SLCO1A2: variants seen among roughly 807,000 people sequenced by gnomAD.
SLCO1A2 encodes the protein solute carrier organic anion transporter family member 1A2, also known as OATP-1.
Under a neutral mutation model 69.0 loss-of-function variants are expected in SLCO1A2, and 67 were observed. The observed-to-expected ratio is 0.97, with a 90% CI of 0.80 to 1.19. The LOEUF is 1.19. Among genes scored for constraint, SLCO1A2 ranks in the 50% most tolerant of loss-of-function variants. The pLI, the probability that SLCO1A2 is intolerant of heterozygous loss-of-function variation, is 0.00. For missense variants in SLCO1A2, 787 were observed against 793.7 expected, an observed-to-expected ratio of 0.99 and a Z score of 0.10; for synonymous variants, 260 against 265.9, an observed-to-expected ratio of 0.98 and a Z score of 0.22.
Position 21,300,766 on chromosome 12 carries a change from A to G in SLCO1A2, c.689-197T>C, listed in dbSNP as rs539319558. On this transcript the variant is annotated intron_variant, in intron 7 of 14. Coordinates refer to ENST00000683939, the MANE Select transcript of SLCO1A2 (RefSeq NM_001386879.1). ...AATAAATTAGGCTGGTTATCTGTCTATCATGTAAGGGATTTAAAAGCAGGT... is the reference window on the plus strand; with the variant it reads ...AATAAATTAGGCTGGTTATCTGTCTGTCATGTAAGGGATTTAAAAGCAGGT... 6.6e-5 allele frequency among the ~76,000 whole-genome samples: 10 copies of G among 152,322 alleles called. No homozygotes were observed. The East Asian group carries it at 1.9e-3, about 29-fold the overall frequency.
chr12:21,355,196 AGAG>A (rs1490087736), intron 2 of SLCO1A2, among the ~76,000 whole-genome samples: 1 of 152,170 alleles, frequency 6.6e-6, no homozygotes, highest in African/African-American at 2.4e-5. Flanking sequence ...AATCATTTCT[AGAG>A]GAGTATGGAT....
At chr12:21,349,321 GT>G (rs905794009) in intron 2 of SLCO1A2, among the ~76,000 whole-genome samples, 1 of 152,078 alleles carries the variant, frequency 6.6e-6, no homozygotes, top group Non-Finnish European at 1.5e-5. Context: ...GGAGTCCTGG[GT>G]TTCTATTCTG....
chr12:21,398,197 C>T (rs1314093865), upstream of SLCO1A2, among the ~76,000 whole-genome samples: 2 of 150,596 alleles, frequency 1.3e-5, no homozygotes, highest in South Asian at 2.1e-4. Context: ...GGGATGTCAC[C>T]ACCGATCCCA....
chr12:21,278,190 G>T (rs1944213562), intron 12 of SLCO1A2, among the ~76,000 whole-genome samples: 1 of 151,966 alleles, frequency 6.6e-6, no homozygotes, highest in Non-Finnish European at 1.5e-5. Flanking sequence ...AGAGTAAAAA[G>T]GTGTTTCTCA....
In SLCO1A2 at chr12:21,318,840, C is replaced by G; in HGVS notation, c.144G>C (p.Glu48Asp). 1 of 1,611,612 alleles carries G rather than the reference C, an allele frequency of 6.2e-7. No individual in the cohort carries two copies. The highest frequency in any genetic ancestry group is 8.5e-7 in the Non-Finnish European group (1 of 1,178,734). ...SYMNSMLTQI[E>D]RQFNIPTSLV... ...GAGATGTTGGGATGTTGAATTGTCT[C>G]TCTATTTGTGTGAGCATGGAATTCA... Residue 48 changes from glutamate (E) to aspartate (D), a missense_variant, in exon 3 of 15, where the codon GAG becomes GAC. Physicochemically the swap from Glu to Asp is conservative, Grantham distance 45. Coordinates refer to ENST00000683939, the MANE Select transcript of SLCO1A2 (RefSeq NM_001386879.1).
intron 1 of SLCO1A2, among the ~76,000 whole-genome samples, chr12:21,377,103 T>G (rs1017321853): frequency 6.6e-6 from 1 of 152,182 alleles, no homozygotes; most frequent in South Asian, 2.1e-4. Context: ...TTATGATTTC[T>G]GAGTTTATAA....
intron 2 of SLCO1A2, among the ~76,000 whole-genome samples, chr12:21,354,234 A>C (rs142461075): frequency 6.6e-6 from 1 of 152,198 alleles, no homozygotes; most frequent in African/African-American, 2.4e-5. Flanking sequence ...CTGTGCCGAC[A>C]ATTATATTTT....
chr12:21,347,543 G>A (rs1953297123), intron 2 of SLCO1A2, among the ~76,000 whole-genome samples: 1 of 152,082 alleles, frequency 6.6e-6, no homozygotes, highest in Non-Finnish European at 1.5e-5. Flanking sequence ...CTACTCAGAG[G>A]CTGAGACAGG....
At chr12:21,332,994 T>C (rs1591855701) in intron 2 of SLCO1A2, among the ~76,000 whole-genome samples, 1 of 152,236 alleles carries the variant, frequency 6.6e-6, no homozygotes, top group East Asian at 1.9e-4. Context: ...TCAAAACTGA[T>C]TGACTACAGC....
upstream of SLCO1A2, among the ~76,000 whole-genome samples, chr12:21,399,869 A>T (rs1463024298): frequency 6.7e-6 from 1 of 148,404 alleles, no homozygotes; most frequent in African/African-American, 2.5e-5. Flanking sequence ...TTATACAAAA[A>T]TCAATTCAAG....
At chr12:21,318,128 C>CTT (rs201619597) in intron 3 of SLCO1A2, among the ~76,000 whole-genome samples, 16,597 of 143,586 alleles carry the variant, frequency 0.12, 1,011 homozygotes, top group Non-Finnish European at 0.15. Flanking sequence ...TCTACCTTTT[C>CTT]TTTTTTTTTT....
Position 21,265,877 on chromosome 12 carries a change from T to TTCC in SLCO1A2, c.*3670_*3671insGGA, listed in dbSNP as rs1311303733. ...CAGTAAATAAGAACCATTCTGTCAA[T>TTCC]TTCTATATTTTCTTATATAGAAATC... On this transcript the variant is annotated 3_prime_UTR_variant, in exon 15 of 15. Coordinates refer to ENST00000683939, the MANE Select transcript of SLCO1A2 (RefSeq NM_001386879.1). 1 of 152,142 alleles carries TTCC rather than the reference T, an allele frequency of 6.6e-6. No homozygotes were observed. Among genetic ancestry groups the TTCC allele is most frequent in the Non-Finnish European group, 1.5e-5 (1 of 68,030 alleles). The allele number at this position is 152,142 out of a possible 1,614,324, so 9.4% of individuals were successfully genotyped here.
chr12:21,275,832 C>A lies in SLCO1A2; in HGVS notation c.1611-408G>T, dbSNP rs542207125. On this transcript the variant is annotated intron_variant, in intron 12 of 14. Transcript: ENST00000683939. ...TGGTGGGTGCCTGTAATCCCAGCTA[C>A]CTGGGAGGCTGAGGCAGGAGAATCA... Among the ~76,000 whole-genome samples, 371 of 151,630 alleles carry A rather than the reference C, an allele frequency of 2.4e-3. 1 individual carries two copies. Among genetic ancestry groups the A allele is most frequent in the African/African-American group, 8.2e-3 (339 of 41,102 alleles).
chr12:21,389,078 C>T (rs11836987), intron 1 of SLCO1A2, among the ~76,000 whole-genome samples: 87,979 of 151,978 alleles, frequency 0.58, 25,626 homozygotes, highest in Middle Eastern at 0.73. Context: ...TATTTGCGAG[C>T]TTAGGAGCTG....
chr12:21,374,831 C>T (rs1179019349), intron 1 of SLCO1A2, among the ~76,000 whole-genome samples: 1 of 151,770 alleles, frequency 6.6e-6, no homozygotes, highest in African/African-American at 2.4e-5. Context: ...CTCTCTCTCT[C>T]TCTCTCTCTG....
Position 21,292,155 on chromosome 12 carries a change from AT to A in SLCO1A2, c.1610+8del. 6.5e-7 allele frequency: 1 copy of A among 1,530,402 alleles called. No individual in the cohort carries two copies. The highest frequency in any genetic ancestry group is 8.8e-7 in the Non-Finnish European group (1 of 1,142,660). The allele number at this position is 1,530,402 out of a possible 1,614,324, so 94.8% of individuals were successfully genotyped here. A position where few individuals can be genotyped will look rare whatever the true frequency, so the allele number is the denominator to read the frequency against. On this transcript the variant is annotated splice_region_variant and intron_variant, in intron 12 of 14. Transcript: ENST00000683939. ...CAAAAAAATATAAATAAAGAAAATA[AT>A]TTTGTACCTCAAGAGAACCATATAT...
At chr12:21,383,522 A>G (rs1053026996) in intron 1 of SLCO1A2, among the ~76,000 whole-genome samples, 1 of 152,034 alleles carries the variant, frequency 6.6e-6, no homozygotes, top group Non-Finnish European at 1.5e-5. Flanking sequence ...CACCTCTGGG[A>G]TCTACACTGT....
chr12:21,340,455 C>T (rs1022543831), intron 2 of SLCO1A2, among the ~76,000 whole-genome samples: 4 of 151,934 alleles, frequency 2.6e-5, no homozygotes, highest in Non-Finnish European at 5.9e-5. Flanking sequence ...AATGTTTCCA[C>T]GTTGGAAGAA....
At chr12:21,307,605 C>G (rs968081205) in intron 4 of SLCO1A2, among the ~76,000 whole-genome samples, 1 of 152,062 alleles carries the variant, frequency 6.6e-6, no homozygotes, top group African/African-American at 2.4e-5. Flanking sequence ...AAACTATGAC[C>G]ATTTAATTTA....
Sources: allele counts gnomAD v4.1 joint callset (sites outside exome capture counted in the v4.1 genomes callset), GRCh38; gene constraint gnomAD v4.1.1; transcripts MANE v1.5; gene names NCBI Gene and HGNC (gene_info 2026-07-23, HGNC 2026-07-21).